Variants in TRIM33 observed in about 807,000 individuals in gnomAD.
TRIM33 encodes E3 ubiquitin-protein ligase TRIM33.
A neutral mutation model predicts 125.4 loss-of-function variants in TRIM33; 20 were observed. That is an observed-to-expected ratio of 0.16 (90% CI 0.11 to 0.23). TRIM33 has a LOEUF of 0.23. Ranked by LOEUF, TRIM33 falls within the 10% of genes least tolerant of loss-of-function variation. The pLI, the probability that TRIM33 is intolerant of heterozygous loss-of-function variation, is 1.00. For synonymous variants in TRIM33, 564 were observed against 513.9 expected (o/e 1.10, Z -1.32); for missense variants, 920 against 1,411.4 (o/e 0.65, Z 5.58).
At chr1:114,507,855 GCCTGTAA>G (rs1215220077) in intron 1 of TRIM33, among the ~76,000 whole-genome samples, 5 of 152,168 alleles carry the variant, frequency 3.3e-5, no homozygotes, top group Non-Finnish European at 7.3e-5. Context: ...AGTGGCTCAT[GCCTGTAA>G]TCCCAGGACT....
rs543585848 is a variant in TRIM33, at chr1:114,437,533, G to A, written c.924-3800C>T. ...TTTGTATTTTTAGTAGAGATGGGGC[G>A]TCACCATGTTGGCCAGGATGGTCTC... On this transcript the variant is annotated intron_variant, in intron 4 of 19. Coordinates refer to ENST00000358465, the MANE Select transcript of TRIM33 (RefSeq NM_015906.4). Among the ~76,000 whole-genome samples, 22 of 152,046 alleles carry A rather than the reference G, an allele frequency of 1.4e-4. No individual in the cohort carries two copies. In the South Asian group the frequency reaches 3.1e-3, roughly 22 times the overall value.
intron 15 of TRIM33, chr1:114,404,790 G>T (rs796206285): frequency 6.7e-6 from 1 of 149,306 alleles, no homozygotes; most frequent in Non-Finnish European, 1.5e-5. Context: ...CTGCTTCTCA[G>T]GAATTTGAGA....
chr1:114,426,970 G>C (rs1056170069), intron 8 of TRIM33, among the ~76,000 whole-genome samples: 2 of 152,156 alleles, frequency 1.3e-5, no homozygotes, highest in Admixed American at 6.6e-5. Flanking sequence ...ACAATATACA[G>C]AGTAGACGCT....
chr1:114,406,703 A>G (rs778753241), intron 14 of TRIM33, among the ~76,000 whole-genome samples: 6 of 152,256 alleles, frequency 3.9e-5, no homozygotes, highest in Admixed American at 1.3e-4. Flanking sequence ...TTGACTAAAT[A>G]CAAATTCAAA....
Position 114,464,397 on chromosome 1 carries a change from T to A in TRIM33, c.527-9A>T. 1 of 1,427,418 alleles carries A rather than the reference T, an allele frequency of 7.0e-7. No individual in the cohort carries two copies. The highest frequency in any genetic ancestry group is 9.6e-7 in the Non-Finnish European group (1 of 1,036,312). The allele number at this position is 1,427,418 out of a possible 1,614,324, so 88.4% of individuals were successfully genotyped here. A position where few individuals can be genotyped will look rare whatever the true frequency, so the allele number is the denominator to read the frequency against. On this transcript the variant is annotated splice_polypyrimidine_tract_variant and intron_variant, in intron 1 of 19. Transcript: ENST00000358465. ...GCACCGTATTACACCAACTACAACA[T>A]AAAATAACAACATTTTAAAATATTC...
intron 4 of TRIM33, among the ~76,000 whole-genome samples, chr1:114,446,626 T>A: frequency 6.6e-6 from 1 of 151,398 alleles, no homozygotes; most frequent in Non-Finnish European, 1.5e-5. Context: ...ATTTATAAAC[T>A]TAAAATAATG....
At chr1:114,403,011 T>G in intron 15 of TRIM33, 128 bp from the exon 16 acceptor site, 10 of 947,762 alleles carry the variant, frequency 1.1e-5, no homozygotes, top group African/African-American at 1.7e-5. Flanking sequence ...GTTTTATAGT[T>G]GTGAAATCTC....
chr1:114,401,561 C>T (rs759677253), intron 16 of TRIM33, 98 bp from the exon 17 acceptor site: 27 of 935,288 alleles, frequency 2.9e-5, no homozygotes, highest in Non-Finnish European at 4.2e-5. Context: ...TTGATTACAA[C>T]AAACTGAACA....
intron 4 of TRIM33, among the ~76,000 whole-genome samples, chr1:114,441,582 CAG>C (rs764099985): frequency 1.8e-4 from 28 of 152,156 alleles, no homozygotes; most frequent in Non-Finnish European, 3.7e-4. Flanking sequence ...TAGGCATGCA[CAG>C]AGAGATAACA....
At chr1:114,420,349 G>C in intron 11 of TRIM33, 1 of 1,273,016 alleles carries the variant, frequency 7.9e-7, no homozygotes, top group South Asian at 1.2e-5. Context: ...CTACCCCTTT[G>C]GATCTAACAG....
intron 11 of TRIM33, among the ~76,000 whole-genome samples, chr1:114,417,645 C>T (rs1392979310): frequency 6.6e-6 from 1 of 151,970 alleles, no homozygotes; most frequent in Non-Finnish European, 1.5e-5. Context: ...TCCAACTTTT[C>T]TTATTATTTA....
At chr1:114,489,694 G>T (rs564702073) in intron 1 of TRIM33, among the ~76,000 whole-genome samples, 20 of 151,958 alleles carry the variant, frequency 1.3e-4, no homozygotes, top group Non-Finnish European at 1.6e-4. Flanking sequence ...GCAGTGAGCT[G>T]TGATTGCACC....
rs1398937868 is a variant in TRIM33, at chr1:114,396,411, G to A, written c.*1237C>T. 3 of 199,498 alleles carry A rather than the reference G, an allele frequency of 1.5e-5. No individual in the cohort carries two copies. The highest frequency in any genetic ancestry group is 4.6e-5 in the African/African-American group (2 of 43,390). The allele number at this position is 199,498 out of a possible 1,614,324, so 12.4% of individuals were successfully genotyped here. On this transcript the variant is annotated 3_prime_UTR_variant, in exon 20 of 20. Coordinates refer to ENST00000358465, the MANE Select transcript of TRIM33 (RefSeq NM_015906.4). ...AGTCCATGCAAATGTCCCACTTGGTGGACAGATGAGTAATCTAACCCCACC... is the reference window on the plus strand; with the variant it reads ...AGTCCATGCAAATGTCCCACTTGGTAGACAGATGAGTAATCTAACCCCACC...
At chr1:114,465,564 T>C (rs995575082) in intron 1 of TRIM33, among the ~76,000 whole-genome samples, 4 of 152,060 alleles carry the variant, frequency 2.6e-5, no homozygotes, top group Non-Finnish European at 4.4e-5. Flanking sequence ...TCCCAACACT[T>C]TGGGAGTGGA....
intron 4 of TRIM33, among the ~76,000 whole-genome samples, chr1:114,449,981 T>C (rs1649215448): frequency 1.3e-5 from 2 of 152,214 alleles, no homozygotes; most frequent in Non-Finnish European, 2.9e-5. Context: ...TTTTGGTGAA[T>C]CACATTCTCT....
At chr1:114,488,304 G>A (rs1196214852) in intron 1 of TRIM33, among the ~76,000 whole-genome samples, 1 of 152,126 alleles carries the variant, frequency 6.6e-6, no homozygotes, top group Non-Finnish European at 1.5e-5. Context: ...ACATATTTAA[G>A]CCATAACACA....
At chr1:114,415,155 C>T (rs763164629) in intron 11 of TRIM33, among the ~76,000 whole-genome samples, 7 of 151,842 alleles carry the variant, frequency 4.6e-5, no homozygotes, top group East Asian at 3.9e-4. Flanking sequence ...CCAAGATGCC[C>T]GGCTCATTTT....
At position 114,400,358 on chromosome 1, in the gene TRIM33, C is replaced by T. The variant is rs368805071; in HGVS notation, c.2968-749G>A. On this transcript the variant is annotated intron_variant, in intron 17 of 19. Transcript: ENST00000358465. The stretch of plus-strand genomic sequence containing the variant: ...AGTTGGGATTACAGGCATGCACTAC[C>T]ACGCCCGGCTAATTTTTATATTTTC... Among the ~76,000 whole-genome samples the T allele has an allele frequency of 3.3e-5, 5 of 152,094 alleles. No individual in the cohort carries two copies. In the East Asian group the frequency reaches 7.7e-4, roughly 24 times the overall value.
At position 114,395,171 on chromosome 1, in the gene TRIM33, TAATAAA is replaced by T. The variant is rs1197427803; in HGVS notation, c.*2471_*2476del. Reference sequence around the variant, plus strand: ...CGATCAGTGTGCAAGAAAAAAGCTTTAATAAAAAATCTAAAGTGAATACCTTAATTT... The same window carrying T: ...CGATCAGTGTGCAAGAAAAAAGCTTTAAATCTAAAGTGAATACCTTAATTT... On this transcript the variant is annotated 3_prime_UTR_variant, in exon 20 of 20. Coordinates refer to ENST00000358465, the MANE Select transcript of TRIM33 (RefSeq NM_015906.4). 9.9e-6 allele frequency: 2 copies of T among 202,456 alleles called. No homozygotes were observed. The highest frequency in any genetic ancestry group is 1.5e-4 in the East Asian group (2 of 13,038). The allele number at this position is 202,456 out of a possible 1,614,324, so 12.5% of individuals were successfully genotyped here.
Sources: gnomAD v4.1 joint callset for allele counts (sites outside exome capture counted in the v4.1 genomes callset) on GRCh38, gnomAD v4.1.1 for gene constraint, MANE v1.5 for transcripts, NCBI Gene and HGNC (gene_info 2026-07-23, HGNC 2026-07-21) for gene names.